IKBKB: variants seen among roughly 807,000 people sequenced by gnomAD.
IKBKB encodes inhibitor of nuclear factor kappa-B kinase subunit beta.
Under a neutral mutation model 113.6 loss-of-function variants are expected in IKBKB, and 42 were observed. The ratio of observed to expected loss-of-function variants is 0.37; its 90% CI spans 0.29 to 0.48. IKBKB has a LOEUF of 0.48. Among genes scored for constraint, IKBKB ranks in the 20% least tolerant of loss-of-function variants. The pLI, the probability that IKBKB is intolerant of heterozygous loss-of-function variation, is 0.99. For missense variants in IKBKB, 673 were observed against 939.7 expected (o/e 0.72, Z 3.71); for synonymous variants, 296 against 361.3 (o/e 0.82, Z 2.05).
rs1262686100 is a variant in IKBKB at position 42,272,185 on chromosome 8, G to A, written c.85G>A (p.Val29Ile). Residue 29 changes from valine to isoleucine, a missense_variant, in exon 2 of 22, where the codon GTC becomes ATC. Val to Ile is a conservative substitution (Grantham distance 29). Around this residue, in one of 2 missense-constraint regions of IKBKB, gnomAD observed 167 missense variants for 301.0 expected, o/e 0.55. Transcript: ENST00000520810. ...ERLGTGGFGN[V>I]IRWHNQETGE... ...CCTTGGGACAGGGGGATTTGGAAATGTCATCCGATGGCACAATCAGGTAGG... is the reference window on the plus strand; with the variant it reads ...CCTTGGGACAGGGGGATTTGGAAATATCATCCGATGGCACAATCAGGTAGG... 1.2e-6 allele frequency: 2 copies of A among 1,614,196 alleles called. No homozygotes were observed. The highest frequency in any genetic ancestry group is 1.7e-5 in the Admixed American group (1 of 60,018).
Position 42,331,540 on chromosome 8 carries a change from G to A in IKBKB, c.*561G>A, listed in dbSNP as rs537980574. On this transcript the variant is annotated 3_prime_UTR_variant, in exon 22 of 22. Coordinates refer to ENST00000520810, the MANE Select transcript of IKBKB (RefSeq NM_001556.3). The stretch of plus-strand genomic sequence containing the variant: ...CTCCTAAACAGACAGTTTAATTATA[G>A]TTGCGGCCTGGCCCCATCCTCACTT... 2 of 621,070 alleles carry A rather than the reference G, an allele frequency of 3.2e-6. No individual in the cohort carries two copies. Among genetic ancestry groups the A allele is most frequent in the Non-Finnish European group, 2.9e-6 (1 of 346,214 alleles). The allele number at this position is 621,070 out of a possible 1,614,324, so 38.5% of individuals were successfully genotyped here. A position where few individuals can be genotyped will look rare whatever the true frequency, so the allele number is the denominator to read the frequency against.
chr8:42,276,127 C>G (rs1809039905), intron 2 of IKBKB, among the ~76,000 whole-genome samples: 1 of 152,194 alleles, frequency 6.6e-6, no homozygotes, highest in Non-Finnish European at 1.5e-5. Context: ...AGGTGTGAGC[C>G]ACTGCGCTAG....
chr8:42,291,263 C>T (rs1348811975), intron 4 of IKBKB, among the ~76,000 whole-genome samples: 2 of 152,140 alleles, frequency 1.3e-5, no homozygotes, highest in Non-Finnish European at 2.9e-5. Context: ...CTCACTGTAA[C>T]CTCCATCTCC....
chr8:42,281,294 G>A (rs1337869008), intron 2 of IKBKB, among the ~76,000 whole-genome samples: 1 of 152,230 alleles, frequency 6.6e-6, no homozygotes, highest in East Asian at 1.9e-4. Flanking sequence ...AGAAAAGGAA[G>A]TGAGGCTGCG....
chr8:42,290,092 G>A, intron 3 of IKBKB, 64 bp from the exon 4 acceptor site: 1 of 1,097,512 alleles, frequency 9.1e-7, no homozygotes, highest in Non-Finnish European at 1.4e-6. Context: ...AGACCTGGTG[G>A]GGGTGGTGGG....
chr8:42,303,168 A>G lies in IKBKB; in HGVS notation c.389-2019A>G, dbSNP rs1229722981. 5.0e-4 allele frequency among the ~76,000 whole-genome samples: 71 copies of G among 142,328 alleles called. 1 individual carries two copies. Among genetic ancestry groups the G allele is most frequent in the Admixed American group, 4.9e-3 (70 of 14,230 alleles). The allele number at this position is 142,328 out of a possible 152,430, so 93.4% of individuals were successfully genotyped here. A position where few individuals can be genotyped will look rare whatever the true frequency, so the allele number is the denominator to read the frequency against. ...AGAATGAGAGAGAGAATGAGAGAGA[A>G]ACAGAGAGAATGAGAATGGTGGTGG... On this transcript the variant is annotated intron_variant, in intron 5 of 21. Coordinates refer to ENST00000520810, the MANE Select transcript of IKBKB (RefSeq NM_001556.3).
chr8:42,316,389 G>A lies in IKBKB; in HGVS notation c.930+50G>A, dbSNP rs1818690388. ...TGAGGCAAAAGCTGGGGTCCCCAGT[G>A]GAACATGCAGTTCTTAGGACAGAGC... is the stretch of plus-strand genomic sequence containing the variant. On this transcript the variant is annotated intron_variant, in intron 10 of 21. Coordinates refer to ENST00000520810, the MANE Select transcript of IKBKB (RefSeq NM_001556.3). This position sits in a 1 kb window ranked among gnomAD's most constrained non-coding sequence, Gnocchi z 4.5. The A allele has an allele frequency of 6.2e-7, 1 of 1,610,474 alleles. No homozygotes were observed. Among genetic ancestry groups the A allele is most frequent in the African/African-American group, 1.3e-5 (1 of 74,890 alleles).
chr8:42,328,866 G>GT (rs1821293133), intron 20 of IKBKB, among the ~76,000 whole-genome samples: 3 of 152,048 alleles, frequency 2.0e-5, no homozygotes, highest in African/African-American at 4.8e-5. Flanking sequence ...GCAGAAAGAG[G>GT]TTTTTTTGCT....
At chr8:42,293,939 G>A (rs1813182966) in intron 5 of IKBKB, among the ~76,000 whole-genome samples, 1 of 152,180 alleles carries the variant, frequency 6.6e-6, no homozygotes, top group African/African-American at 2.4e-5. Flanking sequence ...TTAATCCCTT[G>A]GGTACTGTTG....
chr8:42,311,298 C>T (rs1817644768), intron 8 of IKBKB, among the ~76,000 whole-genome samples: 1 of 152,166 alleles, frequency 6.6e-6, no homozygotes, highest in Admixed American at 6.5e-5. Flanking sequence ...CGTGGTGGCT[C>T]ATGCCTGTAA....
intron 3 of IKBKB, among the ~76,000 whole-genome samples, chr8:42,289,355 A>C (rs1812088962): frequency 6.6e-6 from 1 of 152,224 alleles, no homozygotes; most frequent in Non-Finnish European, 1.5e-5. Flanking sequence ...AGGGCTGTTC[A>C]TCAATTTCAT....
At position 42,316,316 on chromosome 8, in the gene IKBKB, C is replaced by T. The variant is rs1818676596; in HGVS notation, c.907C>T (p.Leu303=). 4 of 1,614,052 alleles carry T rather than the reference C, an allele frequency of 2.5e-6. No individual in the cohort carries two copies. Among genetic ancestry groups the T allele is most frequent in the Non-Finnish European group, 3.4e-6 (4 of 1,180,024 alleles). The change falls in exon 10 of 22, where the codon CTG becomes TTG. Residue 303 remains leucine (L), a synonymous_variant. Transcript: ENST00000520810. This position sits in a 1 kb window ranked among gnomAD's most constrained non-coding sequence, Gnocchi z 4.5. ...TYGPNGCFKA[L]DDILNLKLVH... is the part of the protein sequence containing the mutation. Reference sequence around the variant, plus strand: ...TGGGCCCAATGGCTGCTTCAAGGCCCTGGATGACATCTTAAACTTAAAGGT... The same window carrying T: ...TGGGCCCAATGGCTGCTTCAAGGCCTTGGATGACATCTTAAACTTAAAGGT...
chr8:42,326,090 A>T lies in IKBKB; in HGVS notation c.2107A>T (p.Lys703Ter). 6.2e-7 allele frequency: 1 copy of T among 1,614,208 alleles called. No individual in the cohort carries two copies. Among genetic ancestry groups the T allele is most frequent in the Non-Finnish European group, 8.5e-7 (1 of 1,180,040 alleles). The change falls in exon 20 of 22, where the codon AAG (lysine) becomes TAG (stop). Residue 703 changes from lysine to a stop codon, truncating the protein, a stop_gained. Coordinates refer to ENST00000520810, the MANE Select transcript of IKBKB (RefSeq NM_001556.3). LOFTEE classifies it high-confidence loss of function. Reference protein sequence around the residue: ...TASNSLPEPAKKSEELVAEAH... With the variant: ...TASNSLPEPA ...CTCCAACAGCTTACCTGAGCCAGCC[A>T]AGAAGAGGTAGGTCCTCCTTAGCAG... is the stretch of plus-strand genomic sequence containing the variant.
intron 2 of IKBKB, 56 bp downstream of exon 2, chr8:42,272,261 C>T (rs754247716): frequency 3.1e-6 from 5 of 1,611,132 alleles, no homozygotes; most frequent in Non-Finnish European, 2.5e-6. Context: ...CTCCTCACTG[C>T]CTCCACTTTC....
intron 19 of IKBKB, chr8:42,325,226 G>A (rs990477092): frequency 7.1e-5 from 70 of 985,364 alleles, no homozygotes; most frequent in Admixed American, 2.5e-4. Flanking sequence ...TTGACCCTTC[G>A]GGCTGGGAGG....
At chr8:42,298,279 C>T (rs1814334323) in intron 5 of IKBKB, 1 of 985,300 alleles carries the variant, frequency 1.0e-6, no homozygotes. Flanking sequence ...TGGAATCAGC[C>T]TTTCCTGGAT....
At chr8:42,290,135 C>T (rs1478162288) in intron 3 of IKBKB, 21 bp from the exon 4 acceptor site, 1 of 1,569,612 alleles carries the variant, frequency 6.4e-7, no homozygotes, top group Non-Finnish European at 8.8e-7. Context: ...GGTCTGCTCT[C>T]ATCGGTTTTC....
rs547351691 is a variant in IKBKB, at chr8:42,298,494, A to G, written c.388+4982A>G. 5.1e-4 allele frequency: 498 copies of G among 985,084 alleles called. 3 individuals are homozygous for G. The African/African-American group carries it at 8.1e-3, about 16-fold the overall frequency. The allele number at this position is 985,084 out of a possible 1,614,324, so 61.0% of individuals were successfully genotyped here. On this transcript the variant is annotated intron_variant, in intron 5 of 21. Transcript: ENST00000520810. ...ATTCCAGGAACTGCACATCAGGTGC[A>G]CTGTCTAGCATTGTGGATCTTCTGA... is the stretch of plus-strand genomic sequence containing the variant.
intron 19 of IKBKB, among the ~76,000 whole-genome samples, chr8:42,324,452 A>G (rs1177094516): frequency 6.6e-6 from 1 of 151,984 alleles, no homozygotes; most frequent in Non-Finnish European, 1.5e-5. Flanking sequence ...TTTAGTGGAG[A>G]TGGGGTTTCA....
Sources: gnomAD v4.1 joint callset for allele counts (sites outside exome capture counted in the v4.1 genomes callset) on GRCh38, gnomAD v4.1.1 for gene constraint, gnomAD v4.1.1 regional missense constraint, Gnocchi (gnomAD v3.1) non-coding constraint, MANE v1.5 for transcripts, NCBI Gene and HGNC (gene_info 2026-07-23, HGNC 2026-07-21) for gene names.